The following NARS2 variants were observed in gnomAD, a reference collection of about 807,000 sequenced individuals.
NARS2 encodes the protein asparaginyl-tRNA synthetase.
Under a neutral mutation model 62.9 loss-of-function variants are expected in NARS2, and 60 were observed. The observed-to-expected ratio is 0.95, with a 90% CI of 0.77 to 1.18. NARS2 has a LOEUF of 1.18. NARS2 is among the 50% of genes most tolerant of loss of function. The pLI, the probability that NARS2 is intolerant of heterozygous loss-of-function variation, is 0.00. For missense variants in NARS2, 619 were observed against 576.4 expected, an observed-to-expected ratio of 1.07 and a Z score of -0.76; for synonymous variants, 196 against 200.0, an observed-to-expected ratio of 0.98 and a Z score of 0.17.
chr11:78,514,959 TTAAAA>T (rs1363465216), intron 6 of NARS2, among the ~76,000 whole-genome samples: 10 of 152,072 alleles, frequency 6.6e-5, no homozygotes, highest in African/African-American at 1.9e-4. Context: ...TGAGACAACT[TTAAAA>T]TAATAATAAA....
At chr11:78,570,381 G>A (rs550710101) in intron 2 of NARS2, among the ~76,000 whole-genome samples, 1 of 152,208 alleles carries the variant, frequency 6.6e-6, no homozygotes, top group South Asian at 2.1e-4. Context: ...CATTAAAATG[G>A]TGTTAGTTTT....
rs762479722 is a variant in NARS2 at position 78,465,908 on chromosome 11, T to G, written c.1132A>C (p.Met378Leu). Reference protein sequence around the residue: ...NYPLTLKPFYMRDNEDGPQHT... With the variant: ...NYPLTLKPFYLRDNEDGPQHT... ...TGAGGGCCATCTTCATTATCCCTCA[T>G]GTAGAAAGGCTTGAGTGTTAATGGA... Residue 378 changes from methionine (M) to leucine (L), a missense_variant, in exon 11 of 14, where the codon ATG (methionine) becomes CTG (leucine). Transcript: ENST00000281038. 8.8e-5 allele frequency: 142 copies of G among 1,614,034 alleles called. No individual in the cohort carries two copies. The Admixed American group carries it at 2.3e-3, about 27-fold the overall frequency.
intron 6 of NARS2, among the ~76,000 whole-genome samples, chr11:78,519,270 T>C (rs1861024722): frequency 6.6e-6 from 1 of 152,104 alleles, no homozygotes; most frequent in African/African-American, 2.4e-5. Flanking sequence ...AGGGAGTCAA[T>C]TTAGAACTGC....
chr11:78,477,673 T>C (rs1342661958), intron 9 of NARS2, among the ~76,000 whole-genome samples: 1 of 152,082 alleles, frequency 6.6e-6, no homozygotes, highest in Non-Finnish European at 1.5e-5. Flanking sequence ...TCAGTGGACT[T>C]TGAAAAAAGC....
At chr11:78,448,738 C>T (rs922442982) in intron 11 of NARS2, among the ~76,000 whole-genome samples, 3 of 152,178 alleles carry the variant, frequency 2.0e-5, no homozygotes, top group Non-Finnish European at 4.4e-5. Flanking sequence ...CCAGATGAGA[C>T]TGGTGGCCAG....
At chr11:78,570,216 A>C (rs904577499) in intron 2 of NARS2, among the ~76,000 whole-genome samples, 1 of 152,184 alleles carries the variant, frequency 6.6e-6, no homozygotes, top group Non-Finnish European at 1.5e-5. Flanking sequence ...CTATTACATC[A>C]GAACAATTTT....
intron 9 of NARS2, among the ~76,000 whole-genome samples, chr11:78,471,827 T>G (rs1490201172): frequency 6.6e-6 from 1 of 152,012 alleles, no homozygotes; most frequent in Non-Finnish European, 1.5e-5. Context: ...GAATGATGAT[T>G]TCCAATTTCA....
chr11:78,485,106 G>C (rs971150281), intron 7 of NARS2, among the ~76,000 whole-genome samples: 1 of 152,172 alleles, frequency 6.6e-6, no homozygotes, highest in Non-Finnish European at 1.5e-5. Context: ...GAAGCTGGAA[G>C]CCATCATTCT....
chr11:78,561,427 A>G (rs1373379244), intron 4 of NARS2, among the ~76,000 whole-genome samples: 3 of 152,222 alleles, frequency 2.0e-5, no homozygotes, highest in African/African-American at 7.2e-5. Flanking sequence ...GGGGCTCCTA[A>G]GTAGAAACAT....
At chr11:78,449,688 T>C (rs929679557) in intron 11 of NARS2, among the ~76,000 whole-genome samples, 1 of 152,160 alleles carries the variant, frequency 6.6e-6, no homozygotes, top group African/African-American at 2.4e-5. Flanking sequence ...CATTTTTAAC[T>C]AGATACTTCT....
chr11:78,479,700 C>T (rs751139658), intron 7 of NARS2, among the ~76,000 whole-genome samples: 11 of 152,140 alleles, frequency 7.2e-5, no homozygotes, highest in Non-Finnish European at 1.6e-4. Flanking sequence ...CATAAAGGTG[C>T]ACATATGTAT....
At chr11:78,480,297 GCTCT>G (rs1273345243) in intron 7 of NARS2, among the ~76,000 whole-genome samples, 8 of 151,768 alleles carry the variant, frequency 5.3e-5, no homozygotes, top group Non-Finnish European at 1.2e-4. Context: ...ACGGAGTCTT[GCTCT>G]CTCACGCAGG....
chr11:78,513,757 T>A (rs1315838694), intron 6 of NARS2, among the ~76,000 whole-genome samples: 1 of 152,124 alleles, frequency 6.6e-6, no homozygotes, highest in African/African-American at 2.4e-5. Flanking sequence ...AGGATTAATC[T>A]GATGCCTCAT....
chr11:78,447,643 T>TAC (rs904840623), intron 11 of NARS2, among the ~76,000 whole-genome samples: 3 of 152,026 alleles, frequency 2.0e-5, no homozygotes, highest in Non-Finnish European at 4.4e-5. Flanking sequence ...TGTATATATA[T>TAC]ACACAATAAA....
In NARS2 at chr11:78,574,517, G is replaced by T; in HGVS notation, c.-29C>A. 1 of 1,584,984 alleles carries T rather than the reference G, an allele frequency of 6.3e-7. No individual in the cohort carries two copies. On this transcript the variant is annotated 5_prime_UTR_variant, in exon 1 of 14. Coordinates refer to ENST00000281038, the MANE Select transcript of NARS2 (RefSeq NM_024678.6). ...GCGTCCGCCCAGGCCCTCCGCGGGAGCAGCCCAGACCCCACGGTTCGAACC... is the reference window on the plus strand; with the variant it reads ...GCGTCCGCCCAGGCCCTCCGCGGGATCAGCCCAGACCCCACGGTTCGAACC...
chr11:78,564,142 C>T (rs530269441), intron 4 of NARS2, among the ~76,000 whole-genome samples: 61 of 151,708 alleles, frequency 4.0e-4, no homozygotes, highest in Admixed American at 1.3e-3. Flanking sequence ...TCAGGCAATC[C>T]GCCTGCCTTG....
intron 6 of NARS2, among the ~76,000 whole-genome samples, chr11:78,508,183 T>C (rs746577699): frequency 3.9e-5 from 6 of 151,958 alleles, no homozygotes; most frequent in Non-Finnish European, 8.8e-5. Context: ...ATGGAAATTA[T>C]GGAGTCTGGG....
intron 9 of NARS2, among the ~76,000 whole-genome samples, chr11:78,474,236 T>A (rs1185137224): frequency 6.6e-6 from 1 of 152,238 alleles, no homozygotes; most frequent in Admixed American, 6.5e-5. Flanking sequence ...AGTATTTTTT[T>A]ATAGATGAGG....
At chr11:78,438,090 C>T (rs967139531) in intron 13 of NARS2, among the ~76,000 whole-genome samples, 1 of 151,918 alleles carries the variant, frequency 6.6e-6, no homozygotes, top group Non-Finnish European at 1.5e-5. Flanking sequence ...TAACTTGTAG[C>T]CACTTGGTTC....
Sources: gnomAD v4.1 joint callset for allele counts (sites outside exome capture counted in the v4.1 genomes callset) on GRCh38, gnomAD v4.1.1 for gene constraint, MANE v1.5 for transcripts, NCBI Gene and HGNC (gene_info 2026-07-23, HGNC 2026-07-21) for gene names.